The following CCDC88C variants were observed in gnomAD, a reference collection of about 807,000 sequenced individuals.
CCDC88C encodes the protein protein Daple.
CCDC88C carries 131 observed loss-of-function variants against 198.8 expected under a neutral mutation model. The ratio of observed to expected loss-of-function variants is 0.66; its 90% CI spans 0.57 to 0.76. The LOEUF (loss-of-function observed/expected upper bound fraction) is 0.76. Among genes scored for constraint, CCDC88C ranks in the 30% least tolerant of loss-of-function variants. The pLI is 0.00. For synonymous variants in CCDC88C, 1,166 were observed against 1,114.7 expected, an observed-to-expected ratio of 1.05 and a Z score of -0.92; for missense variants, 2,553 against 2,631.6, an observed-to-expected ratio of 0.97 and a Z score of 0.65.
chr14:91,354,158 G>GT (rs1161950284), intron 4 of CCDC88C, among the ~76,000 whole-genome samples: 3 of 152,200 alleles, frequency 2.0e-5, no homozygotes, highest in Non-Finnish European at 2.9e-5. Context: ...TCGGCCATGT[G>GT]TAAGTCTGGA....
rs1890814540 is a variant in CCDC88C at position 91,293,474 on chromosome 14, G to GCCACAGCTCACCTTCCCATCCTCACCCA, written c.4112+698_4112+699insTGGGTGAGGATGGGAAGGTGAGCTGTGG. On this transcript the variant is annotated intron_variant, in intron 23 of 29. Coordinates refer to ENST00000389857, the MANE Select transcript of CCDC88C (RefSeq NM_001080414.4). ...ACGGTCCACCTTCCCATCCTCACCT[G>GCCACAGCTCACCTTCCCATCCTCACCCA]CCACAGCTCACCTTCCCATCCTCAC... Among the ~76,000 whole-genome samples, 2 of 114,442 alleles carry GCCACAGCTCACCTTCCCATCCTCACCCA rather than the reference G, an allele frequency of 1.7e-5. 1 individual carries two copies. The highest frequency in any genetic ancestry group is 4.9e-4 in the East Asian group (2 of 4,058). 75.1% of individuals were successfully genotyped at this position (114,442 alleles called of 152,430 possible).
rs898140964 is a variant in CCDC88C at position 91,417,786 on chromosome 14, G to A, written c.-96C>T. On this transcript the variant is annotated 5_prime_UTR_variant, in exon 1 of 30. Coordinates refer to ENST00000389857, the MANE Select transcript of CCDC88C (RefSeq NM_001080414.4). ...CGGCTCCGCAGCGAGCAGCGGGCGC[G>A]GGGCTGCGGCGGCTCGCGCCCGGGA... 9.1e-6 allele frequency: 8 copies of A among 881,910 alleles called. No homozygotes were observed. In the Middle Eastern group the frequency reaches 1.3e-3, roughly 138 times the overall value. 54.6% of individuals were successfully genotyped at this position (881,910 alleles called of 1,614,324 possible).
intron 3 of CCDC88C, among the ~76,000 whole-genome samples, chr14:91,398,205 C>A (rs557904366): frequency 2.6e-5 from 4 of 152,236 alleles, no homozygotes; most frequent in Non-Finnish European, 5.9e-5. Context: ...CTTCTGACAA[C>A]AAAAAGGAGA....
chr14:91,383,046 C>A (rs1276685486), intron 3 of CCDC88C, among the ~76,000 whole-genome samples: 1 of 152,230 alleles, frequency 6.6e-6, no homozygotes, highest in East Asian at 1.9e-4. Context: ...AAAGCCAGAT[C>A]CTACTGAAGG....
intron 25 of CCDC88C, 180 bp from the exon 26 acceptor site, chr14:91,283,697 G>C (rs1567048890): frequency 8.0e-6 from 5 of 621,364 alleles, no homozygotes; most frequent in Non-Finnish European, 1.1e-5. Context: ...GGGGGCAAGA[G>C]GGCTTGGCTT....
chr14:91,383,529 C>A (rs1596139914), intron 3 of CCDC88C, among the ~76,000 whole-genome samples: 1 of 152,236 alleles, frequency 6.6e-6, no homozygotes, highest in Non-Finnish European at 1.5e-5. Context: ...GACACTCTGC[C>A]TCCTCGGAGG....
chr14:91,346,478 A>G (rs888779904), intron 4 of CCDC88C, among the ~76,000 whole-genome samples: 3 of 140,608 alleles, frequency 2.1e-5, no homozygotes, highest in African/African-American at 7.4e-5. Context: ...TCAAAATCTT[A>G]GGATTTTTTT....
In CCDC88C at chr14:91,338,455, C is replaced by T. The variant is rs577316885; in HGVS notation, c.891+34G>A. 9.4e-5 allele frequency: 144 copies of T among 1,531,012 alleles called. No individual in the cohort carries two copies. Among genetic ancestry groups the T allele is most frequent in the Non-Finnish European group, 1.1e-4 (129 of 1,128,032 alleles). The allele number at this position is 1,531,012 out of a possible 1,614,324, so 94.8% of individuals were successfully genotyped here. ...TTACTGGACACTCCAGCCCTGCTAC[C>T]CCCAGGACACACAGGCTCAGGCCCC... On this transcript the variant is annotated intron_variant, in intron 9 of 29. Coordinates refer to ENST00000389857, the MANE Select transcript of CCDC88C (RefSeq NM_001080414.4). The surrounding 1 kb of genome is among the most constrained non-coding windows in gnomAD (Gnocchi z 4.8).
intron 23 of CCDC88C, among the ~76,000 whole-genome samples, chr14:91,291,967 T>C (rs1055410571): frequency 3.9e-5 from 6 of 152,180 alleles, no homozygotes; most frequent in African/African-American, 1.4e-4. Flanking sequence ...CTGCCCATGG[T>C]ACTGAGGACT....
At chr14:91,416,212 A>C (rs144079659) in intron 2 of CCDC88C, among the ~76,000 whole-genome samples, 14 of 152,314 alleles carry the variant, frequency 9.2e-5, no homozygotes, top group African/African-American at 2.9e-4. Flanking sequence ...TAACACTGTG[A>C]CTTTAAACTC....
chr14:91,329,269 A>G (rs1892710853), intron 10 of CCDC88C, among the ~76,000 whole-genome samples: 1 of 152,234 alleles, frequency 6.6e-6, no homozygotes, highest in Admixed American at 6.5e-5. Context: ...GAACCTCATC[A>G]CAACTCCTCA....
At position 91,293,669 on chromosome 14, in the gene CCDC88C, C is replaced by T. The variant is rs1053275354; in HGVS notation, c.4112+504G>A. ...ACTTCAACTCCCCCTGTTTTTTTTC[C>T]ATGCTTCATGTAACCCTTCACATCT... On this transcript the variant is annotated intron_variant, in intron 23 of 29. Coordinates refer to ENST00000389857, the MANE Select transcript of CCDC88C (RefSeq NM_001080414.4). 2.0e-5 allele frequency among the ~76,000 whole-genome samples: 3 copies of T among 150,776 alleles called. No individual in the cohort carries two copies. The South Asian group carries it at 6.3e-4, about 32-fold the overall frequency.
At chr14:91,274,167 T>C (rs1889861548) in intron 29 of CCDC88C, among the ~76,000 whole-genome samples, 1 of 144,438 alleles carries the variant, frequency 6.9e-6, no homozygotes, top group Admixed American at 7.1e-5. Context: ...CAGACCTCTC[T>C]CTGGGCCCGA....
rs201414940 is a variant in CCDC88C, at chr14:91,283,380, T to C, written c.4579A>G (p.Thr1527Ala). The C allele has an allele frequency of 7.6e-5, 122 of 1,613,492 alleles. 1 individual carries two copies. The African/African-American group carries it at 1.5e-3, about 20-fold the overall frequency. Reference sequence around the variant, plus strand: ...ATGGGGGTGGAGTTGGAAGGGGCTGTAGTGGTGGCTGAAGTTGAGCAAGTC... The same window carrying C: ...ATGGGGGTGGAGTTGGAAGGGGCTGCAGTGGTGGCTGAAGTTGAGCAAGTC... Reference protein sequence around the residue: ...SRTCSTSATTTAPSNSTPIAR... With the variant: ...SRTCSTSATTAAPSNSTPIAR... The change falls in exon 26 of 30, where the codon ACA becomes GCA. Residue 1527 changes from threonine (T) to alanine (A), a missense_variant. Thr to Ala is a moderately conservative substitution (Grantham distance 58). Transcript: ENST00000389857.
rs377506651 is a variant in CCDC88C at position 91,289,169 on chromosome 14, G to T, written c.4377C>A (p.Asp1459Glu). 6.2e-7 allele frequency: 1 copy of T among 1,613,848 alleles called. No individual in the cohort carries two copies. The highest frequency in any genetic ancestry group is 2.2e-5 in the East Asian group (1 of 44,866). ...QPLRSQAENP[D>E]TPALGSNCAE... ...CACAGTTGGAGCCCAGTGCGGGGGT[G>T]TCGGGGTTCTCGGCCTGTGATCTGA... Residue 1459 changes from aspartate to glutamate, a missense_variant, in exon 25 of 30, where the codon GAC (aspartate) becomes GAA (glutamate). Around this residue, in one of 2 missense-constraint regions of CCDC88C, gnomAD observed 1,293 missense variants for 1,219.6 expected, o/e 1.06. Coordinates refer to ENST00000389857, the MANE Select transcript of CCDC88C (RefSeq NM_001080414.4).
chr14:91,292,652 C>A (rs989790494), intron 23 of CCDC88C, among the ~76,000 whole-genome samples: 1 of 152,110 alleles, frequency 6.6e-6, no homozygotes, highest in African/African-American at 2.4e-5. Flanking sequence ...ACCACAAGCA[C>A]GTCCCTTCTT....
In CCDC88C at chr14:91,283,519, T is replaced by A; in HGVS notation, c.4442-2A>T. On this transcript the variant is annotated splice_acceptor_variant, in intron 25 of 29. Coordinates refer to ENST00000389857, the MANE Select transcript of CCDC88C (RefSeq NM_001080414.4). LOFTEE classifies it high-confidence loss of function. ...GCTTTGGTTTTAGATCCCCAGGGCC[T>A]GAGGCAGAAGAGGACATTGAGAAAT... is the stretch of plus-strand genomic sequence containing the variant. 1 of 1,606,468 alleles carries A rather than the reference T, an allele frequency of 6.2e-7. No individual in the cohort carries two copies. The highest frequency in any genetic ancestry group is 2.2e-5 in the East Asian group (1 of 44,602).
chr14:91,331,910 G>A (rs978160043), intron 10 of CCDC88C, among the ~76,000 whole-genome samples: 1 of 152,106 alleles, frequency 6.6e-6, no homozygotes, highest in Non-Finnish European at 1.5e-5. Context: ...GCCCAGGTAG[G>A]TCTCTGCCTC....
intron 13 of CCDC88C, among the ~76,000 whole-genome samples, chr14:91,319,590 G>A (rs769768181): frequency 1.3e-5 from 2 of 152,172 alleles, no homozygotes; most frequent in Non-Finnish European, 2.9e-5. Flanking sequence ...TCTGGTATTC[G>A]GTACCTTACT....
Sources: gnomAD v4.1 joint callset for allele counts (sites outside exome capture counted in the v4.1 genomes callset) on GRCh38, gnomAD v4.1.1 for gene constraint, gnomAD v4.1.1 regional missense constraint, Gnocchi (gnomAD v3.1) non-coding constraint, MANE v1.5 for transcripts, NCBI Gene and HGNC (gene_info 2026-07-23, HGNC 2026-07-21) for gene names.